The following MBNL1 variants were observed in gnomAD, a reference collection of about 807,000 sequenced individuals.
The protein encoded by MBNL1 is muscleblind-like protein 1.
Under a neutral mutation model 42.2 loss-of-function variants are expected in MBNL1, and 8 were observed. The ratio of observed to expected loss-of-function variants is 0.19; its 90% CI spans 0.11 to 0.34. The LOEUF (loss-of-function observed/expected upper bound fraction) is 0.34. MBNL1 is among the 10% of genes least tolerant of loss of function. The probability of loss-of-function intolerance (pLI) is 1.00; values close to 1 mark genes in which losing one functional copy is unlikely to be tolerated. For missense variants in MBNL1, 309 were observed against 495.3 expected, an observed-to-expected ratio of 0.62 and a Z score of 3.57; for synonymous variants, 169 against 173.9, an observed-to-expected ratio of 0.97 and a Z score of 0.22.
chr3:152,452,020 T>G (rs375669920), intron 6 of MBNL1, among the ~76,000 whole-genome samples: 2 of 152,248 alleles, frequency 1.3e-5, no homozygotes, highest in Non-Finnish European at 2.9e-5. Context: ...AAAAATGATT[T>G]GGGAGAGTGG....
intron 2 of MBNL1, among the ~76,000 whole-genome samples, chr3:152,347,044 T>G (rs1175808159): frequency 6.6e-6 from 1 of 151,966 alleles, no homozygotes; most frequent in Non-Finnish European, 1.5e-5. Context: ...AAGAATAAAT[T>G]ATCTATATTG....
chr3:152,380,738 A>G (rs1223703373), intron 2 of MBNL1, among the ~76,000 whole-genome samples: 2 of 151,802 alleles, frequency 1.3e-5, no homozygotes, highest in Admixed American at 1.3e-4. Context: ...TTTTTTTTTA[A>G]AAAAGGCACT....
intron 5 of MBNL1, chr3:152,446,673 G>A (rs1021536896): frequency 1.2e-6 from 2 of 1,604,988 alleles, no homozygotes; most frequent in Admixed American, 1.7e-5. Context: ...CTGGCCCATT[G>A]CCATCATGTG....
chr3:152,402,880 A>G (rs928211538), intron 2 of MBNL1, among the ~76,000 whole-genome samples: 5 of 152,196 alleles, frequency 3.3e-5, no homozygotes, highest in South Asian at 2.1e-4. Flanking sequence ...TTGGCCTGAT[A>G]TAGACTGTGG....
Position 152,432,719 on chromosome 3 carries a change from A to T in MBNL1, c.348A>T (p.Pro116=), listed in dbSNP as rs1259294638. The change falls in exon 4 of 10, where the codon CCA becomes CCT. Residue 116 remains proline (P), a splice_region_variant and synonymous_variant. Transcript: ENST00000324210. ...TTTGCTTTTATTTTATTTTTCAGCCAATGTTTTCAGTTGCACCAAGCTTAG... is the reference window on the plus strand; with the variant it reads ...TTTGCTTTTATTTTATTTTTCAGCCTATGTTTTCAGTTGCACCAAGCTTAG... ...MMPGAPLQPV[P]MFSVAPSLAT... is the part of the protein sequence containing the mutation. The T allele has an allele frequency of 1.9e-6, 3 of 1,613,984 alleles. No individual in the cohort carries two copies. Among genetic ancestry groups the T allele is most frequent in the Non-Finnish European group, 2.5e-6 (3 of 1,179,956 alleles).
At chr3:152,348,886 G>A (rs1343706881) in intron 2 of MBNL1, among the ~76,000 whole-genome samples, 1 of 152,046 alleles carries the variant, frequency 6.6e-6, no homozygotes, top group East Asian at 1.9e-4. Flanking sequence ...CACTGGACTT[G>A]ATATGATCAT....
At chr3:152,417,689 A>C (rs142675709) in intron 3 of MBNL1, among the ~76,000 whole-genome samples, 1 of 152,260 alleles carries the variant, frequency 6.6e-6, no homozygotes, top group Non-Finnish European at 1.5e-5. Flanking sequence ...AAATGAAGGA[A>C]GGAGTTTCCG....
chr3:152,323,773 T>TA lies in MBNL1; in HGVS notation c.174+23407dup, dbSNP rs530545737. Among the ~76,000 whole-genome samples, 31 of 152,270 alleles carry TA rather than the reference T, an allele frequency of 2.0e-4. No homozygotes were observed. The East Asian group carries it at 5.6e-3, about 27-fold the overall frequency. ...GATGTCTACAAATGTCACTGGGTGG[T>TA]AGGAATTTTTCAGCTCCATTGTAAT... On this transcript the variant is annotated intron_variant, in intron 2 of 9. Coordinates refer to ENST00000324210, the MANE Select transcript of MBNL1 (RefSeq NM_021038.5).
chr3:152,398,323 A>G (rs2098073131), intron 2 of MBNL1, among the ~76,000 whole-genome samples: 1 of 152,102 alleles, frequency 6.6e-6, no homozygotes, highest in South Asian at 2.1e-4. Context: ...TGCATGTAAT[A>G]TATTAGTATA....
At chr3:152,250,070 T>C (rs942713297) in intron 2 of MBNL1, among the ~76,000 whole-genome samples, 1 of 151,984 alleles carries the variant, frequency 6.6e-6, no homozygotes, top group African/African-American at 2.4e-5. Context: ...CCAGCTTTGT[T>C]CTTTTGGCTT....
intron 2 of MBNL1, among the ~76,000 whole-genome samples, chr3:152,413,499 T>G (rs1270286341): frequency 6.6e-6 from 1 of 152,208 alleles, no homozygotes. Context: ...GCCTACTGAT[T>G]TCAAGTATTA....
intron 6 of MBNL1, among the ~76,000 whole-genome samples, 174 bp from the exon 7 acceptor site, chr3:152,455,368 T>C (rs1731568292): frequency 6.6e-6 from 1 of 152,228 alleles, no homozygotes; most frequent in Non-Finnish European, 1.5e-5. Flanking sequence ...CTAGTTCTAA[T>C]TGATCACTGT....
intron 2 of MBNL1, among the ~76,000 whole-genome samples, chr3:152,341,825 T>C (rs1411623746): frequency 1.3e-5 from 2 of 152,190 alleles, no homozygotes; most frequent in Non-Finnish European, 2.9e-5. Context: ...TGAGCCCAGA[T>C]AGTGACATTT....
intron 2 of MBNL1, among the ~76,000 whole-genome samples, chr3:152,326,081 T>C (rs552593072): frequency 3.7e-4 from 57 of 152,306 alleles, no homozygotes; most frequent in African/African-American, 1.3e-3. Context: ...TAAGAACTTA[T>C]TTTAAATATA....
intron 3 of MBNL1, among the ~76,000 whole-genome samples, chr3:152,432,089 G>A (rs1447338264): frequency 6.6e-6 from 1 of 152,100 alleles, no homozygotes; most frequent in East Asian, 1.9e-4. Flanking sequence ...TAGGCTAGTG[G>A]AACACTTATA....
intron 1 of MBNL1, among the ~76,000 whole-genome samples, chr3:152,277,511 T>G (rs1042625047): frequency 6.6e-6 from 1 of 152,166 alleles, no homozygotes; most frequent in African/African-American, 2.4e-5. Context: ...GGGCATTCTT[T>G]TTCCTGGAAC....
chr3:152,293,361 G>A (rs549532583), intron 1 of MBNL1, among the ~76,000 whole-genome samples: 32 of 152,332 alleles, frequency 2.1e-4, no homozygotes, highest in Admixed American at 1.8e-3. Context: ...TAGCACCTTA[G>A]TGAATACAGA....
At chr3:152,250,105 C>CT (rs1296033033) in intron 2 of MBNL1, among the ~76,000 whole-genome samples, 1 of 152,064 alleles carries the variant, frequency 6.6e-6, no homozygotes, top group African/African-American at 2.4e-5. Flanking sequence ...GATGCGGGCT[C>CT]TTTTTTGGAT....
intron 1 of MBNL1, among the ~76,000 whole-genome samples, chr3:152,287,855 T>A (rs1002258713): frequency 1.3e-5 from 2 of 152,234 alleles, no homozygotes. Context: ...TCTTTGTGTT[T>A]CCTTATTTGT....
Sources: gnomAD v4.1 joint callset for allele counts (sites outside exome capture counted in the v4.1 genomes callset) on GRCh38, gnomAD v4.1.1 for gene constraint, MANE v1.5 for transcripts, NCBI Gene and HGNC (gene_info 2026-07-23, HGNC 2026-07-21) for gene names.